The following FAM216A variants were observed in gnomAD, a reference collection of about 807,000 sequenced individuals.
FAM216A encodes family with sequence similarity 216 member A, also known as protein FAM216A.
In FAM216A, 26 loss-of-function variants were observed where a neutral mutation model predicts 37.6. That is an observed-to-expected ratio of 0.69 (90% confidence interval 0.51 to 0.96). FAM216A has a LOEUF of 0.96. FAM216A is among the 40% of genes least tolerant of loss of function. FAM216A has a pLI of 0.00. For synonymous variants in FAM216A, 110 were observed against 121.7 expected (o/e 0.90, Z 0.64); for missense variants, 326 against 339.3 (o/e 0.96, Z 0.31).
chr12:110,471,168 C>T (rs1179535134), intron 1 of FAM216A, among the ~76,000 whole-genome samples: 2 of 151,750 alleles, frequency 1.3e-5, no homozygotes, highest in East Asian at 1.9e-4. Context: ...GATCTTGGCT[C>T]ACTGCAACCT....
intron 1 of FAM216A, 99 bp from the exon 2 acceptor site, chr12:110,472,975 CAAAA>C (rs879057348): frequency 0.013 from 1,132 of 86,838 alleles, 1 homozygote; most frequent in South Asian, 0.023. Context: ...GACCCTGTCT[CAAAA>C]AAAAAAAAAA....
intron 2 of FAM216A, among the ~76,000 whole-genome samples, chr12:110,482,939 G>A (rs2062755923): frequency 6.6e-6 from 1 of 152,046 alleles, no homozygotes; most frequent in South Asian, 2.1e-4. Context: ...TCAAACTCAA[G>A]AAAATGCAAA....
Position 110,469,031 on chromosome 12 carries a change from G to T in FAM216A, c.143+13G>T. ...GTGGCGGCGGCGGGTGAGGTTGGGG[G>T]CCCCGGGGTAAGGGTGGCAGCATGG... On this transcript the variant is annotated intron_variant, in intron 1 of 6. Transcript: ENST00000377673. 1.4e-6 allele frequency: 2 copies of T among 1,456,294 alleles called. No homozygotes were observed. 90.2% of individuals were successfully genotyped at this position (1,456,294 alleles called of 1,614,324 possible).
intron 1 of FAM216A, among the ~76,000 whole-genome samples, chr12:110,471,801 C>A (rs2062688265): frequency 6.6e-6 from 1 of 152,198 alleles, no homozygotes; most frequent in African/African-American, 2.4e-5. Flanking sequence ...GGCCCATGAA[C>A]TCTTGGTCAT....
At chr12:110,473,151 T>A (rs764017215) in intron 2 of FAM216A, 33 bp downstream of exon 2, 1 of 1,277,044 alleles carries the variant, frequency 7.8e-7, no homozygotes, top group Admixed American at 1.9e-5. Context: ...ATAATACTTA[T>A]AAGTAACATG....
chr12:110,478,266 C>T (rs908560471), intron 2 of FAM216A, among the ~76,000 whole-genome samples: 1 of 152,108 alleles, frequency 6.6e-6, no homozygotes, highest in Admixed American at 6.6e-5. Context: ...CCTTTGAAAA[C>T]TTTTATCTTT....
chr12:110,473,017 G>C, intron 1 of FAM216A, 61 bp from the exon 2 acceptor site: 1 of 395,718 alleles, frequency 2.5e-6, no homozygotes, highest in Non-Finnish European at 4.8e-6. Flanking sequence ...GAAATATGTT[G>C]TTCAGTGCTT....
intron 2 of FAM216A, among the ~76,000 whole-genome samples, chr12:110,480,912 C>A (rs1344790542): frequency 6.6e-6 from 1 of 152,070 alleles, no homozygotes; most frequent in Non-Finnish European, 1.5e-5. Flanking sequence ...AAATAAAAAA[C>A]CACTAATTCC....
intron 2 of FAM216A, among the ~76,000 whole-genome samples, chr12:110,475,388 C>T (rs2062709325): frequency 2.0e-5 from 3 of 151,914 alleles, no homozygotes; most frequent in South Asian, 4.1e-4. Flanking sequence ...ATTACAGGCA[C>T]ACGCCACCAT....
rs745988441 is a variant in FAM216A at position 110,490,038 on chromosome 12, A to G, written c.723A>G (p.Glu241=). The change falls in exon 7 of 7, where the codon GAA becomes GAG. Residue 241 remains glutamate, a synonymous_variant. Coordinates refer to ENST00000377673, the MANE Select transcript of FAM216A (RefSeq NM_013300.3). ...CTTCAGTTTCTTCAGATGATTCTGAATCACACATGAGTGAAGAAAAAAAGG... is the reference window on the plus strand; with the variant it reads ...CTTCAGTTTCTTCAGATGATTCTGAGTCACACATGAGTGAAGAAAAAAAGG... ...FMQTVSSDDS[E]SHMSEEKKEE... is the part of the protein sequence containing the mutation. 9 of 1,475,468 alleles carry G rather than the reference A, an allele frequency of 6.1e-6. No homozygotes were observed. The African/African-American group carries it at 1.1e-4, about 18-fold the overall frequency. 91.4% of individuals were successfully genotyped at this position (1,475,468 alleles called of 1,614,324 possible).
At chr12:110,483,578 C>T (rs1238870389) in intron 2 of FAM216A, among the ~76,000 whole-genome samples, 2 of 152,180 alleles carry the variant, frequency 1.3e-5, no homozygotes, top group African/African-American at 2.4e-5. Context: ...AATCCCAGCA[C>T]TTTGGGAGGC....
chr12:110,473,787 T>C (rs1227987009), intron 2 of FAM216A, among the ~76,000 whole-genome samples: 1 of 152,200 alleles, frequency 6.6e-6, no homozygotes, highest in Non-Finnish European at 1.5e-5. Flanking sequence ...GTGCTGATGT[T>C]TTCCTCTCAC....
At chr12:110,469,693 A>G (rs991624658) in intron 1 of FAM216A, among the ~76,000 whole-genome samples, 6 of 151,678 alleles carry the variant, frequency 4.0e-5, no homozygotes, top group African/African-American at 1.5e-4. Flanking sequence ...TATTTTTAGT[A>G]GAGAGGTGGT....
chr12:110,482,892 C>A (rs2062755671), intron 2 of FAM216A, among the ~76,000 whole-genome samples: 1 of 151,588 alleles, frequency 6.6e-6, no homozygotes. Context: ...GAGTGAAAAA[C>A]CAGACAAAAA....
At chr12:110,477,092 A>G (rs1478357611) in intron 2 of FAM216A, among the ~76,000 whole-genome samples, 1 of 152,192 alleles carries the variant, frequency 6.6e-6, no homozygotes, top group Non-Finnish European at 1.5e-5. Context: ...GATTCAGCTT[A>G]TGTCCTTCTA....
intron 2 of FAM216A, among the ~76,000 whole-genome samples, chr12:110,477,732 G>C (rs1402408274): frequency 1.3e-5 from 2 of 150,498 alleles, no homozygotes; most frequent in East Asian, 2.0e-4. Context: ...TTTTGAGACA[G>C]AGTCTCCCTC....
Position 110,486,737 on chromosome 12 carries a change from A to ATTTT in FAM216A, c.620+20_620+21insTTTT. ...AGAAGGGTCTGTTTCTTAGTGTAAA[A>ATTTT]GGGGGGAAATGCATCTCAGTTTAAT... On this transcript the variant is annotated intron_variant, in intron 5 of 6. Transcript: ENST00000377673. 1.9e-6 allele frequency: 3 copies of ATTTT among 1,590,848 alleles called. No homozygotes were observed. Among genetic ancestry groups the ATTTT allele is most frequent in the Non-Finnish European group, 2.6e-6 (3 of 1,171,164 alleles).
intron 2 of FAM216A, 147 bp downstream of exon 2, chr12:110,473,265 G>A (rs1296377897): frequency 5.2e-6 from 2 of 381,246 alleles, no homozygotes; most frequent in Non-Finnish European, 1.0e-5. Flanking sequence ...GGGCTGGAGT[G>A]CAGTAGTGCG....
At position 110,485,064 on chromosome 12, in the gene FAM216A, G is replaced by A. The variant is rs780351743; in HGVS notation, c.185-14G>A. 4 of 1,596,152 alleles carry A rather than the reference G, an allele frequency of 2.5e-6. No individual in the cohort carries two copies. The highest frequency in any genetic ancestry group is 1.7e-4 in the Middle Eastern group (1 of 5,994). The stretch of plus-strand genomic sequence containing the variant: ...TCTTTGCCTCTGAAATTCACATGAT[G>A]TCTTTGCCTACAGATAGAATCAAAG... On this transcript the variant is annotated splice_polypyrimidine_tract_variant and intron_variant, in intron 2 of 6. Transcript: ENST00000377673.
Sources: gnomAD v4.1 joint callset for allele counts (sites outside exome capture counted in the v4.1 genomes callset) on GRCh38, gnomAD v4.1.1 for gene constraint, MANE v1.5 for transcripts, NCBI Gene and HGNC (gene_info 2026-07-23, HGNC 2026-07-21) for gene names.